ZNF654: variants seen among roughly 807,000 people sequenced by gnomAD.
The protein encoded by ZNF654 is melanoma-associated antigen.
Under a neutral mutation model 95.3 loss-of-function variants are expected in ZNF654, and 19 were observed. The observed-to-expected ratio is 0.20, with a 90% CI of 0.14 to 0.29. ZNF654 has a LOEUF of 0.29. ZNF654 is among the 10% of genes least tolerant of loss of function. ZNF654 has a pLI of 1.00. For synonymous variants in ZNF654, 413 were observed against 457.9 expected (o/e 0.90, Z 1.25); for missense variants, 1,046 against 1,341.0 (o/e 0.78, Z 3.44).
intron 4 of ZNF654, 108 bp from the exon 5 acceptor site, chr3:88,128,697 TTAAG>T: frequency 1.4e-6 from 1 of 694,584 alleles, no homozygotes; most frequent in East Asian, 2.8e-5. Flanking sequence ...AAAATGCTAT[TTAAG>T]TAGTTAAATC....
chr3:88,119,515 C>T (rs1705641044), intron 3 of ZNF654, among the ~76,000 whole-genome samples: 1 of 148,610 alleles, frequency 6.7e-6, no homozygotes, highest in African/African-American at 2.5e-5. Flanking sequence ...ACAATGTGCA[C>T]GTGTACCCTA....
At chr3:88,081,571 C>T (rs535472474) in intron 1 of ZNF654, among the ~76,000 whole-genome samples, 9 of 152,144 alleles carry the variant, frequency 5.9e-5, no homozygotes, top group Non-Finnish European at 1.3e-4. Flanking sequence ...TATGGACTTA[C>T]ATATATTTAA....
intron 6 of ZNF654, among the ~76,000 whole-genome samples, chr3:88,131,378 G>A (rs1244090793): frequency 6.6e-6 from 1 of 152,114 alleles, no homozygotes; most frequent in Admixed American, 6.5e-5. Flanking sequence ...ACTGAAAATA[G>A]TCATGACAGT....
chr3:88,065,436 C>A (rs953772202), intron 1 of ZNF654, among the ~76,000 whole-genome samples: 4 of 152,012 alleles, frequency 2.6e-5, no homozygotes, highest in Non-Finnish European at 4.4e-5. Context: ...AATCCTATGT[C>A]CCTTTTCCCT....
chr3:88,102,817 C>CTTTTTT (rs10701359), intron 2 of ZNF654, among the ~76,000 whole-genome samples: 65 of 106,432 alleles, frequency 6.1e-4, no homozygotes, highest in Non-Finnish European at 9.0e-4. Context: ...CCTCTACTGT[C>CTTTTTT]TTTTTTTTTT....
chr3:88,102,913 G>A (rs551966244), intron 2 of ZNF654, among the ~76,000 whole-genome samples: 1 of 144,100 alleles, frequency 6.9e-6, no homozygotes, highest in East Asian at 2.1e-4. Context: ...GCTGAGGTTT[G>A]GGATATGAAT....
chr3:88,120,979 A>G (rs1351564405), intron 3 of ZNF654, among the ~76,000 whole-genome samples: 1 of 152,044 alleles, frequency 6.6e-6, no homozygotes, highest in East Asian at 1.9e-4. Context: ...CAAGTACCTA[A>G]TGCATGTGGT....
chr3:88,075,297 A>C (rs1383258199), intron 1 of ZNF654, among the ~76,000 whole-genome samples: 2 of 152,228 alleles, frequency 1.3e-5, no homozygotes, highest in Non-Finnish European at 2.9e-5. Context: ...CAGCCTCCAC[A>C]ACCTGTGTTC....
chr3:88,111,302 T>A (rs1705076688), intron 2 of ZNF654, among the ~76,000 whole-genome samples: 2 of 152,014 alleles, frequency 1.3e-5, no homozygotes, highest in South Asian at 4.1e-4. Context: ...TTCTGACCCC[T>A]AGTTCTTATT....
intron 2 of ZNF654, among the ~76,000 whole-genome samples, chr3:88,109,642 G>C (rs956088948): frequency 9.2e-5 from 14 of 152,218 alleles, no homozygotes; most frequent in African/African-American, 3.4e-4. Flanking sequence ...TTTATAAGTA[G>C]ACCTGCACAG....
chr3:88,079,398 T>C (rs1283935823), intron 1 of ZNF654, among the ~76,000 whole-genome samples: 1 of 152,116 alleles, frequency 6.6e-6, no homozygotes, highest in Non-Finnish European at 1.5e-5. Flanking sequence ...TAAAGATGTA[T>C]GTGATAGCTG....
At chr3:88,129,175 G>A (rs1706289753) in intron 5 of ZNF654, 164 bp downstream of exon 5, 2 of 546,538 alleles carry the variant, frequency 3.7e-6, no homozygotes, top group African/African-American at 1.9e-5. Context: ...CATAACTTAA[G>A]GTCATGTTGA....
intron 3 of ZNF654, among the ~76,000 whole-genome samples, chr3:88,124,676 T>C (rs1393204656): frequency 6.6e-6 from 1 of 152,208 alleles, no homozygotes; most frequent in Non-Finnish European, 1.5e-5. Flanking sequence ...GAAGCTTTGC[T>C]TTATAACTGC....
chr3:88,098,422 T>G (rs1450299015), intron 2 of ZNF654, among the ~76,000 whole-genome samples: 6 of 152,204 alleles, frequency 3.9e-5, no homozygotes, highest in African/African-American at 1.4e-4. Context: ...GCTGGTATCA[T>G]TCGTTCTCAA....
chr3:88,083,384 A>T (rs1708180710), intron 1 of ZNF654, among the ~76,000 whole-genome samples: 1 of 152,148 alleles, frequency 6.6e-6, no homozygotes, highest in African/African-American at 2.4e-5. Flanking sequence ...AAGATATGAC[A>T]TTTTATAGTA....
intron 8 of ZNF654, 32 bp from the exon 9 acceptor site, chr3:88,141,613 A>T (rs1276559487): frequency 6.9e-7 from 1 of 1,442,580 alleles, no homozygotes; most frequent in Admixed American, 2.1e-5. Flanking sequence ...TGTCAATAAA[A>T]CTTGCATTAA....
chr3:88,060,753 CTTTCAATGCTTGTAAGGGATTT>C (rs1317515556), intron 1 of ZNF654, among the ~76,000 whole-genome samples: 2 of 152,054 alleles, frequency 1.3e-5, no homozygotes, highest in Non-Finnish European at 2.9e-5. Context: ...GCTGACATTT[CTTTCAATGCTTGTAAGGGATTT>C]TTTCAATGCT....
At chr3:88,094,336 T>C (rs964882248) in intron 2 of ZNF654, among the ~76,000 whole-genome samples, 6 of 152,164 alleles carry the variant, frequency 3.9e-5, no homozygotes, top group African/African-American at 1.4e-4. Flanking sequence ...AATTTTGGTC[T>C]TTATTGCTCC....
intron 6 of ZNF654, among the ~76,000 whole-genome samples, chr3:88,133,497 G>A (rs1421563637): frequency 1.3e-5 from 2 of 152,170 alleles, no homozygotes; most frequent in African/African-American, 2.4e-5. Context: ...TATCACTTTA[G>A]TTTGGGGTAT....
Sources: allele counts gnomAD v4.1 joint callset (sites outside exome capture counted in the v4.1 genomes callset), GRCh38; gene constraint gnomAD v4.1.1; transcripts MANE v1.5; gene names NCBI Gene and HGNC (gene_info 2026-07-23, HGNC 2026-07-21).